Variants in ZNF385B observed in about 807,000 individuals in gnomAD.
ZNF385B encodes zinc finger protein 533.
Under a neutral mutation model 39.2 loss-of-function variants are expected in ZNF385B, and 23 were observed. The ratio of observed to expected loss-of-function variants is 0.59; its 90% CI spans 0.42 to 0.83. The LOEUF is 0.83. ZNF385B is among the 40% of genes least tolerant of loss of function. The probability of loss-of-function intolerance (pLI) is 0.00; values close to 1 mark genes in which losing one functional copy is unlikely to be tolerated. For synonymous variants in ZNF385B, 205 were observed against 222.6 expected, an observed-to-expected ratio of 0.92 and a Z score of 0.70; for missense variants, 552 against 598.9, an observed-to-expected ratio of 0.92 and a Z score of 0.82.
Position 179,493,508 on chromosome 2 carries a change from T to TGCGTATACATATGTGTGTACATATAC in ZNF385B, c.553-10075_553-10074insGTATATGTACACACATATGTATACGC, listed in dbSNP as rs1161751353. Among the ~76,000 whole-genome samples the TGCGTATACATATGTGTGTACATATAC allele has an allele frequency of 2.0e-5, 3 of 151,612 alleles. No individual in the cohort carries two copies. The East Asian group carries it at 5.8e-4, about 29-fold the overall frequency. ...ATGTATAAACGTGTGTGTACATATA[T>TGCGTATACATATGTGTGTACATATAC]GCGTATACATATGTGTGTACATATA... On this transcript the variant is annotated intron_variant, in intron 5 of 9. Transcript: ENST00000410066.
chr2:179,524,999 C>T (rs1204155629), intron 4 of ZNF385B, among the ~76,000 whole-genome samples: 1 of 152,142 alleles, frequency 6.6e-6, no homozygotes, highest in Non-Finnish European at 1.5e-5. Context: ...CTGTAGTCTC[C>T]ATCATCACTC....
chr2:179,456,026 C>T (rs543313627), intron 6 of ZNF385B, among the ~76,000 whole-genome samples: 4 of 152,182 alleles, frequency 2.6e-5, no homozygotes, highest in Admixed American at 2.6e-4. Context: ...GATGTTTGCA[C>T]AATGACAAAA....
At chr2:179,761,656 G>T (rs1364098177) in intron 3 of ZNF385B, among the ~76,000 whole-genome samples, 1 of 151,074 alleles carries the variant, frequency 6.6e-6, no homozygotes, top group African/African-American at 2.4e-5. Context: ...GCAGCTCACT[G>T]CAGCCTCGAC....
intron 1 of ZNF385B, among the ~76,000 whole-genome samples, chr2:179,771,434 C>T (rs558539234): frequency 2.6e-5 from 4 of 152,220 alleles, no homozygotes; most frequent in African/African-American, 9.6e-5. Flanking sequence ...CCTACTTGTC[C>T]CTTTTAATAC....
At chr2:179,694,408 AGTCACTAATTCCAGCAAAT>A (rs1386025732) in intron 3 of ZNF385B, among the ~76,000 whole-genome samples, 1 of 148,870 alleles carries the variant, frequency 6.7e-6, no homozygotes, top group African/African-American at 2.5e-5. Context: ...TGTAACTATT[AGTCACTAATTCCAGCAAAT>A]TATGAAATTC....
At chr2:179,450,486 G>A (rs943741038) in intron 6 of ZNF385B, among the ~76,000 whole-genome samples, 69 of 152,188 alleles carry the variant, frequency 4.5e-4, no homozygotes, top group Non-Finnish European at 7.6e-4. Context: ...ACAGCCAAAA[G>A]ACAAATGAAA....
rs1448182530 is a variant in ZNF385B, at chr2:179,444,894, C to T, written c.1224G>A (p.Arg408=). The change falls in exon 9 of 10, where the codon CGG becomes CGA. Residue 408 remains arginine, a synonymous_variant. Transcript: ENST00000410066. ...AACTTACTGCTAGAATACTCGGGCT[C>T]CGCTGGAGTTTGTTGTAAGGGCTGT... ...PKYSPYNKLQ[R]SPSILAAKLA... 5 of 1,614,120 alleles carry T rather than the reference C, an allele frequency of 3.1e-6. No homozygotes were observed. Among genetic ancestry groups the T allele is most frequent in the African/African-American group, 1.3e-5 (1 of 75,056 alleles).
intron 3 of ZNF385B, among the ~76,000 whole-genome samples, chr2:179,754,071 G>T (rs1308374255): frequency 6.6e-6 from 1 of 152,278 alleles, no homozygotes; most frequent in East Asian, 1.9e-4. Flanking sequence ...CTGTGGGTTT[G>T]TCATAAATAG....
intron 1 of ZNF385B, among the ~76,000 whole-genome samples, chr2:179,801,476 C>G (rs1293094642): frequency 6.6e-6 from 1 of 152,116 alleles, no homozygotes; most frequent in Non-Finnish European, 1.5e-5. Context: ...CACATCCTCC[C>G]AAGACAAAGT....
chr2:179,753,640 G>A (rs1413996481), intron 3 of ZNF385B, among the ~76,000 whole-genome samples: 3 of 152,160 alleles, frequency 2.0e-5, no homozygotes, highest in South Asian at 2.1e-4. Flanking sequence ...TCTCCTTGAA[G>A]AGGTCCTTCA....
chr2:179,724,588 C>T (rs1199032748), intron 3 of ZNF385B, among the ~76,000 whole-genome samples: 1 of 152,100 alleles, frequency 6.6e-6, no homozygotes, highest in Non-Finnish European at 1.5e-5. Flanking sequence ...TAATGGAAAG[C>T]CATTCATATA....
chr2:179,860,044 G>A (rs184979047), intron 1 of ZNF385B, among the ~76,000 whole-genome samples: 2 of 152,242 alleles, frequency 1.3e-5, no homozygotes, highest in East Asian at 3.9e-4. Context: ...CAGTTTCCAC[G>A]CTTTAGGCTA....
chr2:179,673,859 A>T (rs1240764752), intron 3 of ZNF385B, among the ~76,000 whole-genome samples: 1 of 152,282 alleles, frequency 6.6e-6, no homozygotes, highest in Non-Finnish European at 1.5e-5. Flanking sequence ...TAAACTTAAT[A>T]AAGAACCACA....
chr2:179,674,099 C>T (rs181386457), intron 3 of ZNF385B, among the ~76,000 whole-genome samples: 19 of 152,122 alleles, frequency 1.2e-4, no homozygotes, highest in Admixed American at 4.6e-4. Flanking sequence ...ACTTGCAATG[C>T]TATTATTATA....
intron 6 of ZNF385B, among the ~76,000 whole-genome samples, chr2:179,478,442 G>A (rs1245245728): frequency 2.0e-5 from 3 of 152,168 alleles, no homozygotes; most frequent in South Asian, 2.1e-4. Flanking sequence ...CCATCAAAGG[G>A]TTAAGAAAGT....
intron 1 of ZNF385B, among the ~76,000 whole-genome samples, chr2:179,797,826 TTC>T (rs1033769308): frequency 3.3e-5 from 5 of 152,188 alleles, no homozygotes; most frequent in Non-Finnish European, 7.4e-5. Flanking sequence ...TCACGTCTTT[TTC>T]TGACATGACC....
At chr2:179,609,783 T>C (rs945223364) in intron 3 of ZNF385B, among the ~76,000 whole-genome samples, 2 of 152,196 alleles carry the variant, frequency 1.3e-5, no homozygotes, top group Non-Finnish European at 2.9e-5. Context: ...ACTGGAGATA[T>C]TTCATTGCAG....
chr2:179,748,118 G>T lies in ZNF385B; in HGVS notation c.298+21385C>A, dbSNP rs546188661. Among the ~76,000 whole-genome samples the T allele has an allele frequency of 3.9e-5, 6 of 152,220 alleles. No homozygotes were observed. In the South Asian group the frequency reaches 1.2e-3, roughly 32 times the overall value. On this transcript the variant is annotated intron_variant, in intron 3 of 9. Coordinates refer to ENST00000410066, the MANE Select transcript of ZNF385B (RefSeq NM_152520.6). ...TTCTCTTGCTTAGGCAAGAAATCTG[G>T]AGGGTAGTGTTACTTTAATGGATGG...
chr2:179,736,787 T>C (rs1341231107), intron 3 of ZNF385B, among the ~76,000 whole-genome samples: 1 of 152,036 alleles, frequency 6.6e-6, no homozygotes, highest in Non-Finnish European at 1.5e-5. Flanking sequence ...CTGGGCAACA[T>C]GGTGAAACCC....
Sources: allele counts gnomAD v4.1 joint callset (sites outside exome capture counted in the v4.1 genomes callset), GRCh38; gene constraint gnomAD v4.1.1; transcripts MANE v1.5; gene names NCBI Gene and HGNC (gene_info 2026-07-23, HGNC 2026-07-21).